The following BFSP1 variants were observed in gnomAD, a reference collection of about 807,000 sequenced individuals.
The protein encoded by BFSP1 is filensin.
A neutral mutation model predicts 43.9 loss-of-function variants in BFSP1; 38 were observed. That is an observed-to-expected ratio of 0.87 (90% CI 0.67 to 1.14). The LOEUF (loss-of-function observed/expected upper bound fraction) is 1.14. Among genes scored for constraint, BFSP1 ranks in the 50% most tolerant of loss-of-function variants. BFSP1 has a pLI of 0.00. For synonymous variants in BFSP1, 352 were observed against 354.8 expected (o/e 0.99, Z 0.09); for missense variants, 850 against 875.1 (o/e 0.97, Z 0.36).
At chr20:17,522,939 G>A (rs976508061) in intron 2 of BFSP1, among the ~76,000 whole-genome samples, 10 of 152,208 alleles carry the variant, frequency 6.6e-5, no homozygotes, top group South Asian at 2.1e-4. Context: ...GGGCTCTGCA[G>A]CTCACCTGCG....
intron 5 of BFSP1, among the ~76,000 whole-genome samples, chr20:17,502,046 T>C (rs932288245): frequency 6.6e-6 from 1 of 152,114 alleles, no homozygotes; most frequent in African/African-American, 2.4e-5. Context: ...TAGGGAGCCA[T>C]GGCAAGAGAA....
chr20:17,527,403 T>C (rs1425551883), intron 1 of BFSP1, among the ~76,000 whole-genome samples: 1 of 152,214 alleles, frequency 6.6e-6, no homozygotes, highest in East Asian at 1.9e-4. Flanking sequence ...GTAATTTTCA[T>C]GCTGTAAAGA....
chr20:17,526,366 T>C (rs2034424330), intron 1 of BFSP1, among the ~76,000 whole-genome samples: 2 of 152,134 alleles, frequency 1.3e-5, no homozygotes, highest in African/African-American at 4.8e-5. Context: ...CCATTGTACT[T>C]TCTGTCTCTA....
At chr20:17,538,668 T>G (rs931800896) in intron 1 of BFSP1, among the ~76,000 whole-genome samples, 1 of 152,208 alleles carries the variant, frequency 6.6e-6, no homozygotes, top group African/African-American at 2.4e-5. Context: ...CCTTGAGACA[T>G]TGTCGTACCA....
chr20:17,523,417 C>T (rs553314622), intron 2 of BFSP1, among the ~76,000 whole-genome samples: 16 of 151,944 alleles, frequency 1.1e-4, no homozygotes, highest in African/African-American at 3.4e-4. Flanking sequence ...GCTGGGTCCC[C>T]GTGTCTGAAG....
rs1212729959 is a variant in BFSP1, at chr20:17,494,245, T to G, written c.1827A>C (p.Pro609=). The stretch of plus-strand genomic sequence containing the variant: ...CCAAAGCCTTGGGAGGGCCTTTTTC[T>G]GGCAGGCTTCTGCTCCTAGTCCCAA... ...EVLGTRSRSL[P]EKGPPKALAY... Residue 609 remains proline (P), a synonymous_variant, in exon 8 of 8, where the codon CCA becomes CCC. Coordinates refer to ENST00000377873, the MANE Select transcript of BFSP1 (RefSeq NM_001195.5). 1 of 1,614,208 alleles carries G rather than the reference T, an allele frequency of 6.2e-7. No individual in the cohort carries two copies. Among genetic ancestry groups the G allele is most frequent in the Admixed American group, 1.7e-5 (1 of 60,034 alleles).
In BFSP1 at chr20:17,494,835, C is replaced by T; in HGVS notation, c.1237G>A (p.Glu413Lys). The T allele has an allele frequency of 6.2e-7, 1 of 1,614,198 alleles. No individual in the cohort carries two copies. Among genetic ancestry groups the T allele is most frequent in the African/African-American group, 1.3e-5 (1 of 75,068 alleles). ...GGACTTACTTCTTTACTTTCTGATT[C>T]AAACTTAGATTCACTTTCCTCTTTA... ...VLKEESESKF[E>K]SESKEVSPLT... Residue 413 changes from glutamate to lysine, a missense_variant, in exon 8 of 8, where the codon GAA (glutamate) becomes AAA (lysine). By Grantham distance (56) the Glu-to-Lys change is moderately conservative. Transcript: ENST00000377873.
intron 4 of BFSP1, 58 bp from the exon 5 acceptor site, chr20:17,509,054 G>T: frequency 7.6e-7 from 1 of 1,308,024 alleles, no homozygotes; most frequent in Non-Finnish European, 1.0e-6. Flanking sequence ...AAAGGGCAGA[G>T]AAGGTGCGGG....
Position 17,498,815 on chromosome 20 carries a change from C to T in BFSP1, c.956+5G>A. On this transcript the variant is annotated splice_donor_5th_base_variant and intron_variant, in intron 6 of 7. Coordinates refer to ENST00000377873, the MANE Select transcript of BFSP1 (RefSeq NM_001195.5). ...GTGGCCTGGATGGGGAGGGCACACGCTCACCTGTTGCCTTCAATCTCGATG... is the reference window on the plus strand; with the variant it reads ...GTGGCCTGGATGGGGAGGGCACACGTTCACCTGTTGCCTTCAATCTCGATG... 1.2e-6 allele frequency: 2 copies of T among 1,611,802 alleles called. No homozygotes were observed. The highest frequency in any genetic ancestry group is 8.5e-7 in the Non-Finnish European group (1 of 1,179,682).
intron 1 of BFSP1, among the ~76,000 whole-genome samples, chr20:17,569,007 T>C (rs1189277035): frequency 6.6e-6 from 1 of 152,180 alleles, no homozygotes; most frequent in African/African-American, 2.4e-5. Context: ...CAACCGCCCA[T>C]TAGAAAAACA....
At position 17,512,082 on chromosome 20, in the gene BFSP1, G is replaced by A. The variant is rs772395031; in HGVS notation, c.535-14C>T. On this transcript the variant is annotated splice_polypyrimidine_tract_variant and intron_variant, in intron 3 of 7. Transcript: ENST00000377873. ...TTCCAGAAGATTCTGTTGGGGGAGG[G>A]AAAACATTCTCATTATAAGTTGAGC... is the stretch of plus-strand genomic sequence containing the variant. The A allele has an allele frequency of 2.5e-6, 4 of 1,575,978 alleles. No homozygotes were observed. The highest frequency in any genetic ancestry group is 3.5e-6 in the Non-Finnish European group (4 of 1,145,702).
chr20:17,529,727 T>A (rs1047751340), intron 1 of BFSP1, among the ~76,000 whole-genome samples: 1 of 152,208 alleles, frequency 6.6e-6, no homozygotes, highest in Non-Finnish European at 1.5e-5. Context: ...CTGCAGTGAG[T>A]ATCTTTGCAG....
chr20:17,565,213 A>C (rs2035106349), intron 1 of BFSP1, among the ~76,000 whole-genome samples: 1 of 152,196 alleles, frequency 6.6e-6, no homozygotes, highest in African/African-American at 2.4e-5. Context: ...GTCAGTGGAG[A>C]GTAAGTAGAT....
intron 1 of BFSP1, among the ~76,000 whole-genome samples, chr20:17,544,025 T>C (rs1325853211): frequency 2.0e-5 from 3 of 152,208 alleles, no homozygotes; most frequent in African/African-American, 7.2e-5. Context: ...GCATCCGTCT[T>C]AGCTTGAAGT....
At chr20:17,501,176 A>G (rs376704265) in intron 5 of BFSP1, among the ~76,000 whole-genome samples, 219 of 152,360 alleles carry the variant, frequency 1.4e-3, no homozygotes, top group African/African-American at 5.0e-3. Flanking sequence ...GACACCCTGG[A>G]AGATGATCAT....
chr20:17,529,720 C>T (rs2034493510), intron 1 of BFSP1, among the ~76,000 whole-genome samples: 2 of 152,206 alleles, frequency 1.3e-5, no homozygotes, highest in South Asian at 4.1e-4. Context: ...GATCCTGCTG[C>T]AGTGAGTATC....
intron 7 of BFSP1, 120 bp from the exon 8 acceptor site, chr20:17,495,149 C>A (rs1600626773): frequency 1.1e-6 from 1 of 931,978 alleles, no homozygotes; most frequent in East Asian, 2.5e-5. Flanking sequence ...TAGGGTGGGG[C>A]TTCCTTCATC....
Position 17,539,105 on chromosome 20 carries a change from C to CTTTT in BFSP1, c.3-14201_3-14198dup, listed in dbSNP as rs1156875265. Among the ~76,000 whole-genome samples the CTTTT allele has an allele frequency of 2.3e-3, 149 of 63,572 alleles. 2 individuals are homozygous for CTTTT. Among genetic ancestry groups the CTTTT allele is most frequent in the African/African-American group, 4.2e-3 (62 of 14,644 alleles). The allele number at this position is 63,572 out of a possible 152,430, so 41.7% of individuals were successfully genotyped here. On this transcript the variant is annotated intron_variant, in intron 1 of 7. Coordinates refer to the BFSP1 transcript ENST00000377868. ...TGCATCCATGAATATATTTCTTCTTCTTTTTTTTTTTTTTTTTTTTTTTTT... is the reference window on the plus strand; with the variant it reads ...TGCATCCATGAATATATTTCTTCTTCTTTTTTTTTTTTTTTTTTTTTTTTTTTTT...
intron 5 of BFSP1, among the ~76,000 whole-genome samples, chr20:17,504,909 T>TG (rs1568685183): frequency 1.2e-4 from 14 of 119,800 alleles, no homozygotes; most frequent in South Asian, 5.3e-4. Context: ...TGTAAGGTTT[T>TG]TTTTTTGTTT....
Sources: gnomAD v4.1 joint callset for allele counts (sites outside exome capture counted in the v4.1 genomes callset) on GRCh38, gnomAD v4.1.1 for gene constraint, MANE v1.5 for transcripts, NCBI Gene and HGNC (gene_info 2026-07-23, HGNC 2026-07-21) for gene names.